Variants in FABP3 observed in about 807,000 individuals in gnomAD.
The protein encoded by FABP3 is fatty acid binding protein 3.
Under a neutral mutation model 13.4 loss-of-function variants are expected in FABP3, and 8 were observed. The observed-to-expected ratio is 0.60, with a 90% CI of 0.35 to 1.07. The LOEUF (loss-of-function observed/expected upper bound fraction) is 1.07, where lower values mean the gene tolerates loss of function less well. Ranked by LOEUF, FABP3 falls within the 50% of genes least tolerant of loss-of-function variation. The pLI, the probability that FABP3 is intolerant of heterozygous loss-of-function variation, is 0.02. For synonymous variants in FABP3, 64 were observed against 60.0 expected (o/e 1.07, Z -0.31); for missense variants, 135 against 164.7 (o/e 0.82, Z 0.99).
At chr1:31,371,275 TCA>T (rs559274157) in intron 1 of FABP3, among the ~76,000 whole-genome samples, 1 of 152,292 alleles carries the variant, frequency 6.6e-6, no homozygotes, top group South Asian at 2.1e-4. Context: ...GTCAGGCCAA[TCA>T]CACTCCCTTG....
chr1:31,370,940 C>T (rs978707023), intron 1 of FABP3, among the ~76,000 whole-genome samples: 2 of 152,244 alleles, frequency 1.3e-5, no homozygotes, highest in African/African-American at 2.4e-5. Flanking sequence ...ATGCTTGTAA[C>T]AGCCTCGAAG....
At position 31,365,860 on chromosome 1, in the gene FABP3, T is replaced by C; in HGVS notation, c.*26A>G. 1 of 1,610,094 alleles carries C rather than the reference T, an allele frequency of 6.2e-7. No individual in the cohort carries two copies. The highest frequency in any genetic ancestry group is 8.5e-7 in the Non-Finnish European group (1 of 1,176,786). Reference sequence around the variant, plus strand: ...GTCGAGGGGTAGCCGATTGGCAGAGTAGTAGTCAGCAACAGTGCAGTCAGG... The same window carrying C: ...GTCGAGGGGTAGCCGATTGGCAGAGCAGTAGTCAGCAACAGTGCAGTCAGG... On this transcript the variant is annotated 3_prime_UTR_variant, in exon 4 of 4. Transcript: ENST00000373713.
downstream of FABP3, among the ~76,000 whole-genome samples, chr1:31,362,123 C>T (rs558684004): frequency 6.8e-4 from 103 of 152,256 alleles, no homozygotes; most frequent in Admixed American, 2.0e-3. Flanking sequence ...AGATGTTATT[C>T]TTATCTCCAG....
chr1:31,361,790 T>C (rs1464168165), downstream of FABP3, among the ~76,000 whole-genome samples: 1 of 93,062 alleles, frequency 1.1e-5, no homozygotes, highest in Non-Finnish European at 2.2e-5. Flanking sequence ...GGGGAGATTA[T>C]TTATTTATTT....
intron 1 of FABP3, 81 bp from the exon 2 acceptor site, chr1:31,369,638 G>A: frequency 7.4e-7 from 1 of 1,359,492 alleles, no homozygotes; most frequent in Non-Finnish European, 1.0e-6. Flanking sequence ...TAACTCTCAG[G>A]CCTGGGTATG....
At chr1:31,361,225 T>C (rs1639878762), downstream of FABP3, among the ~76,000 whole-genome samples, 1 of 152,228 alleles carries the variant, frequency 6.6e-6, no homozygotes, top group East Asian at 1.9e-4. Flanking sequence ...TTGCCTTCTC[T>C]CTACTCCATT....
At chr1:31,368,457 G>C (rs1640149348) in intron 2 of FABP3, among the ~76,000 whole-genome samples, 1 of 152,192 alleles carries the variant, frequency 6.6e-6, no homozygotes, top group Non-Finnish European at 1.5e-5. Context: ...GGTATGAGCA[G>C]GTGGTGGGGC....
downstream of FABP3, chr1:31,364,777 T>C (rs1341390959): frequency 6.5e-6 from 1 of 152,912 alleles, no homozygotes; most frequent in African/African-American, 2.4e-5. Context: ...GTCTGCAGTG[T>C]GACTTAACTT....
chr1:31,365,846 G>A lies in FABP3; in HGVS notation c.*40C>T. On this transcript the variant is annotated 3_prime_UTR_variant, in exon 4 of 4. Transcript: ENST00000373713. ...CAATGTGGTGCTGAGTCGAGGGGTA[G>A]CCGATTGGCAGAGTAGTAGTCAGCA... The A allele has an allele frequency of 6.3e-7, 1 of 1,592,564 alleles. No homozygotes were observed.
At chr1:31,362,650 T>G (rs1309001610), downstream of FABP3, among the ~76,000 whole-genome samples, 2 of 152,204 alleles carry the variant, frequency 1.3e-5, no homozygotes, top group Admixed American at 1.3e-4. Context: ...AAGTACAGGC[T>G]TATTATTTGA....
At chr1:31,364,183 A>C, downstream of FABP3, 2 of 1,613,428 alleles carry the variant, frequency 1.2e-6, no homozygotes, top group Non-Finnish European at 1.7e-6. Flanking sequence ...AAGAAGAAGC[A>C]CAAGGAGTGA....
chr1:31,366,838 A>G (rs567360266), intron 3 of FABP3, among the ~76,000 whole-genome samples: 1 of 152,290 alleles, frequency 6.6e-6, no homozygotes, highest in South Asian at 2.1e-4. Context: ...AAAGGACTGT[A>G]CTGTCATTCA....
At chr1:31,361,058 C>G (rs16834403), downstream of FABP3, among the ~76,000 whole-genome samples, 14,082 of 152,176 alleles carry the variant, frequency 0.093, 2,207 homozygotes, top group African/African-American at 0.32. Context: ...GGGCAGAACC[C>G]AGTGAGGCTC....
chr1:31,372,840 C>G, intron 1 of FABP3, 102 bp downstream of exon 1: 2 of 1,179,748 alleles, frequency 1.7e-6, no homozygotes, highest in Non-Finnish European at 2.5e-6. Context: ...TCCCCTATTC[C>G]CCAGTCTTAA....
intron 1 of FABP3, among the ~76,000 whole-genome samples, chr1:31,370,273 T>TA (rs1203369136): frequency 6.6e-6 from 1 of 152,170 alleles, no homozygotes; most frequent in Non-Finnish European, 1.5e-5. Context: ...AGCCCAGAAT[T>TA]GTCTGAGTCC....
At chr1:31,369,812 A>G (rs16834413) in intron 1 of FABP3, among the ~76,000 whole-genome samples, 3,828 of 152,298 alleles carry the variant, frequency 0.025, 154 homozygotes, top group African/African-American at 0.087. Flanking sequence ...TGGGATTAGA[A>G]TAAGCTACTA....
intron 3 of FABP3, 27 bp from the exon 4 acceptor site, chr1:31,365,966 G>T (rs953055346): frequency 1.2e-6 from 2 of 1,610,960 alleles, no homozygotes; most frequent in Admixed American, 1.7e-5. Context: ...AGTGAGATGG[G>T]GGGTGGAGCC....
chr1:31,365,155 T>C (rs1264338670), downstream of FABP3, among the ~76,000 whole-genome samples: 3 of 152,048 alleles, frequency 2.0e-5, no homozygotes, highest in Non-Finnish European at 4.4e-5. Context: ...CCCTCTTCCC[T>C]CAGAGTTGAT....
chr1:31,364,042 AAAAG>A (rs1416016129), downstream of FABP3: 2 of 1,607,388 alleles, frequency 1.2e-6, no homozygotes, highest in South Asian at 1.1e-5. Context: ...GAGAAGAAGA[AAAAG>A]AAACATAGAG....
Sources: gnomAD v4.1 joint callset for allele counts (sites outside exome capture counted in the v4.1 genomes callset) on GRCh38, gnomAD v4.1.1 for gene constraint, MANE v1.5 for transcripts, NCBI Gene and HGNC (gene_info 2026-07-23, HGNC 2026-07-21) for gene names.